The following PDS5B variants were observed in gnomAD, a reference collection of about 807,000 sequenced individuals.
The protein encoded by PDS5B is PDS5 cohesin associated factor B, also known as sister chromatid cohesion protein PDS5 homolog B.
PDS5B carries 51 observed loss-of-function variants against 184.1 expected under a neutral mutation model. That is an observed-to-expected ratio of 0.28 (90% CI 0.22 to 0.35). The LOEUF (loss-of-function observed/expected upper bound fraction) is 0.35. PDS5B is among the 10% of genes least tolerant of loss of function. PDS5B has a pLI of 1.00. For missense variants in PDS5B, 1,180 were observed against 1,723.3 expected (o/e 0.68, Z 5.58); for synonymous variants, 566 against 569.2 (o/e 0.99, Z 0.08).
At chr13:32,639,769 T>C (rs147877809) in intron 1 of PDS5B, among the ~76,000 whole-genome samples, 1 of 152,358 alleles carries the variant, frequency 6.6e-6, no homozygotes, top group Non-Finnish European at 1.5e-5. Flanking sequence ...TATCAGACTC[T>C]TTACAAAATC....
In PDS5B at chr13:32,668,648, C is replaced by T. The variant is rs753562112; in HGVS notation, c.705+804C>T. Among the ~76,000 whole-genome samples the T allele has an allele frequency of 1.4e-4, 22 of 152,108 alleles. 1 individual carries two copies. The highest frequency in any genetic ancestry group is 2.5e-4 in the Non-Finnish European group (17 of 68,002). On this transcript the variant is annotated intron_variant, in intron 7 of 34. Transcript: ENST00000315596. ...TTGTGTAACAGTTCAGTCCCTCCACCTGCTTTTCAGTTTCACTCACCTCCA... is the reference window on the plus strand; with the variant it reads ...TTGTGTAACAGTTCAGTCCCTCCACTTGCTTTTCAGTTTCACTCACCTCCA...
chr13:32,626,447 C>A (rs561635220), intron 1 of PDS5B, among the ~76,000 whole-genome samples: 2 of 152,270 alleles, frequency 1.3e-5, no homozygotes, highest in African/African-American at 4.8e-5. Flanking sequence ...TGAATTCGAC[C>A]TTGTCTTTAA....
chr13:32,773,403 G>C, intron 34 of PDS5B, 79 bp downstream of exon 34: 1 of 1,220,912 alleles, frequency 8.2e-7, no homozygotes, highest in Non-Finnish European at 1.2e-6. Context: ...TTTAGTACTT[G>C]TTTAGTATTT....
At chr13:32,677,734 C>T (rs1351592516) in intron 9 of PDS5B, among the ~76,000 whole-genome samples, 1 of 151,664 alleles carries the variant, frequency 6.6e-6, no homozygotes, top group Non-Finnish European at 1.5e-5. Flanking sequence ...GACTTTTTCC[C>T]ACTCCTTTAT....
chr13:32,674,188 AAT>A (rs1261148327), intron 8 of PDS5B, among the ~76,000 whole-genome samples: 1 of 152,148 alleles, frequency 6.6e-6, no homozygotes, highest in Non-Finnish European at 1.5e-5. Context: ...AGAATTGGAC[AAT>A]ATAGTTTTCT....
At chr13:32,706,110 T>G (rs922555935) in intron 17 of PDS5B, among the ~76,000 whole-genome samples, 1 of 151,904 alleles carries the variant, frequency 6.6e-6, no homozygotes, top group Non-Finnish European at 1.5e-5. Context: ...AAACCCCGTC[T>G]CTACTAAAAA....
At chr13:32,664,623 G>A (rs1950736482) in intron 6 of PDS5B, among the ~76,000 whole-genome samples, 1 of 152,152 alleles carries the variant, frequency 6.6e-6, no homozygotes, top group Non-Finnish European at 1.5e-5. Context: ...CAGCACTTTG[G>A]GAAGCCGAGG....
intron 10 of PDS5B, 78 bp from the exon 11 acceptor site, chr13:32,683,799 AT>A: frequency 2.1e-6 from 2 of 933,996 alleles, no homozygotes; most frequent in South Asian, 3.2e-5. Flanking sequence ...GCTAGGGCTT[AT>A]TTTCAAGGGT....
chr13:32,697,657 T>TC (rs2140860259), intron 15 of PDS5B, among the ~76,000 whole-genome samples: 1 of 152,304 alleles, frequency 6.6e-6, no homozygotes, highest in East Asian at 1.9e-4. Context: ...TACTTTCCAG[T>TC]CCCCTGGGTA....
chr13:32,732,372 G>A, intron 20 of PDS5B, 148 bp downstream of exon 20: 1 of 600,966 alleles, frequency 1.7e-6, no homozygotes. Flanking sequence ...ATTGATAAGT[G>A]TTAAAATATG....
chr13:32,773,987 G>A (rs1250014777), intron 34 of PDS5B, among the ~76,000 whole-genome samples: 1 of 151,962 alleles, frequency 6.6e-6, no homozygotes, highest in Non-Finnish European at 1.5e-5. Flanking sequence ...TATTTTTAGT[G>A]CAGACAGGGT....
At chr13:32,602,645 A>G (rs1320803646) in intron 1 of PDS5B, among the ~76,000 whole-genome samples, 1 of 152,138 alleles carries the variant, frequency 6.6e-6, no homozygotes, top group African/African-American at 2.4e-5. Context: ...TGGTATTTCT[A>G]GTTCTAGATC....
chr13:32,752,970 T>C (rs1412369483), intron 24 of PDS5B, among the ~76,000 whole-genome samples: 1 of 152,160 alleles, frequency 6.6e-6, no homozygotes, highest in African/African-American at 2.4e-5. Context: ...AGAACTAAAA[T>C]GTATAAATTG....
intron 19 of PDS5B, among the ~76,000 whole-genome samples, chr13:32,715,430 T>C (rs547101402): frequency 6.6e-6 from 1 of 152,202 alleles, no homozygotes; most frequent in Admixed American, 6.5e-5. Context: ...TTTTTGTTTG[T>C]ATATCTCTGA....
intron 1 of PDS5B, among the ~76,000 whole-genome samples, chr13:32,626,849 AT>A (rs926667625): frequency 6.6e-6 from 1 of 152,240 alleles, no homozygotes; most frequent in African/African-American, 2.4e-5. Flanking sequence ...CAAGAATTAT[AT>A]GTTCAATCAA....
intron 1 of PDS5B, among the ~76,000 whole-genome samples, chr13:32,613,753 A>T (rs1239416590): frequency 2.6e-5 from 4 of 152,086 alleles, no homozygotes; most frequent in Admixed American, 2.6e-4. Flanking sequence ...TGTCTGTTTA[A>T]CCTGTTTTTG....
chr13:32,681,292 T>G (rs1951231923), intron 10 of PDS5B, among the ~76,000 whole-genome samples: 1 of 152,120 alleles, frequency 6.6e-6, no homozygotes, highest in African/African-American at 2.4e-5. Context: ...GATAAAAGTA[T>G]AAGAGTAATA....
intron 3 of PDS5B, among the ~76,000 whole-genome samples, chr13:32,657,968 ATTTG>A (rs1950557212): frequency 6.6e-6 from 1 of 152,124 alleles, no homozygotes; most frequent in East Asian, 1.9e-4. Flanking sequence ...TTTCAGGTTT[ATTTG>A]TTTAACTTTT....
At chr13:32,658,674 C>G (rs1450420712) in intron 5 of PDS5B, 143 bp downstream of exon 5, 2 of 542,110 alleles carry the variant, frequency 3.7e-6, no homozygotes, top group African/African-American at 3.9e-5. Flanking sequence ...ATACATGTTT[C>G]AAAAATGAAT....
Sources: allele counts gnomAD v4.1 joint callset (sites outside exome capture counted in the v4.1 genomes callset), GRCh38; gene constraint gnomAD v4.1.1; transcripts MANE v1.5; gene names NCBI Gene and HGNC (gene_info 2026-07-23, HGNC 2026-07-21).